CSMD1: variants seen among roughly 807,000 people sequenced by gnomAD.
CSMD1 encodes CUB and sushi domain-containing protein 1.
In CSMD1, 213 loss-of-function variants were observed where a neutral mutation model predicts 417.5. That is an observed-to-expected ratio of 0.51 (90% CI 0.46 to 0.57). The LOEUF is 0.57. Ranked by LOEUF, CSMD1 falls within the 20% of genes least tolerant of loss-of-function variation. The pLI is 0.00. For missense variants in CSMD1, 6,923 were observed against 4,529.7 expected (o/e 1.53, Z -15.17); for synonymous variants, 2,862 against 1,736.8 (o/e 1.65, Z -16.11).
intron 5 of CSMD1, among the ~76,000 whole-genome samples, chr8:3,949,375 A>C (rs1247475870): frequency 2.6e-5 from 4 of 152,194 alleles, no homozygotes; most frequent in Non-Finnish European, 5.9e-5. Flanking sequence ...CAGTCCCTGG[A>C]AACAACCACT....
At chr8:4,893,075 C>T (rs1026796825) in intron 1 of CSMD1, among the ~76,000 whole-genome samples, 6 of 152,108 alleles carry the variant, frequency 3.9e-5, no homozygotes, top group Admixed American at 2.0e-4. Flanking sequence ...CGATTATCCC[C>T]TCCAGGGCTC....
chr8:4,098,650 G>A (rs1031181078), intron 3 of CSMD1, among the ~76,000 whole-genome samples: 7 of 152,106 alleles, frequency 4.6e-5, no homozygotes, highest in African/African-American at 1.7e-4. Flanking sequence ...CGTATTGGTG[G>A]TTTTTAATTC....
intron 3 of CSMD1, among the ~76,000 whole-genome samples, chr8:4,198,304 G>A (rs1045142771): frequency 6.6e-5 from 10 of 152,328 alleles, no homozygotes; most frequent in South Asian, 2.1e-4. Context: ...GTGGCAGCAG[G>A]GGCTGGCAAG....
chr8:4,294,687 G>C (rs182006762), intron 3 of CSMD1, among the ~76,000 whole-genome samples: 34 of 152,114 alleles, frequency 2.2e-4, no homozygotes, highest in Admixed American at 3.9e-4. Flanking sequence ...AATATTCTAA[G>C]ATGACCATCT....
intron 49 of CSMD1, among the ~76,000 whole-genome samples, chr8:3,068,631 G>A (rs1585268567): frequency 6.6e-6 from 1 of 152,162 alleles, no homozygotes; most frequent in African/African-American, 2.4e-5. Context: ...GAGGCCTTAG[G>A]AATCTTTCAA....
At chr8:4,963,913 C>T (rs900046050) in intron 1 of CSMD1, among the ~76,000 whole-genome samples, 15 of 152,144 alleles carry the variant, frequency 9.9e-5, no homozygotes, top group African/African-American at 3.6e-4. Flanking sequence ...ATTTTATACA[C>T]CTCACTTACT....
chr8:4,272,704 A>ATTTTCATTCTGTAATTCTTGACTGTACAT, intron 3 of CSMD1, among the ~76,000 whole-genome samples: 1 of 152,088 alleles, frequency 6.6e-6, no homozygotes, highest in African/African-American at 2.4e-5. Flanking sequence ...AAGACTGTAC[A>ATTTTCATTCTGTAATTCTTGACTGTACAT]TTTTCATTCT....
intron 10 of CSMD1, among the ~76,000 whole-genome samples, chr8:3,505,011 C>G (rs534965961): frequency 7.9e-5 from 6 of 75,484 alleles, no homozygotes; most frequent in African/African-American, 4.1e-4. Flanking sequence ...GATGGAGAAA[C>G]AGTTAAAAAA....
chr8:4,734,455 G>A (rs946711964), intron 1 of CSMD1, among the ~76,000 whole-genome samples: 2 of 152,016 alleles, frequency 1.3e-5, no homozygotes, highest in Admixed American at 6.6e-5. Context: ...GGAATTCTGT[G>A]ACTAATAACT....
intron 3 of CSMD1, among the ~76,000 whole-genome samples, chr8:4,186,155 A>C (rs1798663743): frequency 6.6e-6 from 1 of 152,214 alleles, no homozygotes; most frequent in Non-Finnish European, 1.5e-5. Flanking sequence ...CCACTGGAGC[A>C]TATGAGAAGC....
intron 5 of CSMD1, among the ~76,000 whole-genome samples, chr8:3,892,513 T>A (rs954220638): frequency 1.3e-4 from 19 of 144,924 alleles, no homozygotes; most frequent in Non-Finnish European, 1.0e-4. Context: ...CATCCAATCC[T>A]ATGTTAGAGG....
chr8:4,978,635 A>G (rs529893761), intron 1 of CSMD1, among the ~76,000 whole-genome samples: 1 of 152,278 alleles, frequency 6.6e-6, no homozygotes, highest in African/African-American at 2.4e-5. Flanking sequence ...GAACAAAAGT[A>G]AGCAGTTAGA....
chr8:4,410,712 GAAGT>G (rs1357436557), intron 3 of CSMD1, among the ~76,000 whole-genome samples: 2 of 152,162 alleles, frequency 1.3e-5, no homozygotes, highest in African/African-American at 2.4e-5. Flanking sequence ...TCTTGGGAGA[GAAGT>G]ATGTACAGAA....
intron 15 of CSMD1, among the ~76,000 whole-genome samples, chr8:3,403,117 G>T (rs1209586982): frequency 6.6e-6 from 1 of 152,114 alleles, no homozygotes; most frequent in Non-Finnish European, 1.5e-5. Context: ...ATATTACAGG[G>T]CATGAGACCT....
intron 1 of CSMD1, among the ~76,000 whole-genome samples, chr8:4,947,785 A>C (rs2117267892): frequency 6.6e-6 from 1 of 152,228 alleles, no homozygotes; most frequent in South Asian, 2.1e-4. Flanking sequence ...GCATTTTTTC[A>C]AACAAAAATA....
Position 3,866,539 on chromosome 8 carries a change from G to C in CSMD1, c.819-112497C>G, listed in dbSNP as rs551453618. On this transcript the variant is annotated intron_variant, in intron 5 of 69. Coordinates refer to ENST00000635120, the MANE Select transcript of CSMD1 (RefSeq NM_033225.6). ...ATCATGATCTAATGTGTACGTTTTG[G>C]TCTTTAAATGACCTTTTTAGTTCTG... Among the ~76,000 whole-genome samples the C allele has an allele frequency of 4.6e-5, 7 of 152,222 alleles. No homozygotes were observed. The East Asian group carries it at 1.2e-3, about 25-fold the overall frequency.
intron 3 of CSMD1, among the ~76,000 whole-genome samples, chr8:4,406,123 C>G (rs746142830): frequency 3.3e-5 from 5 of 152,168 alleles, no homozygotes; most frequent in Non-Finnish European, 7.3e-5. Flanking sequence ...AACCAAACAG[C>G]TGTCAGATGG....
chr8:4,111,800 A>G (rs1243819135), intron 3 of CSMD1, among the ~76,000 whole-genome samples: 1 of 152,162 alleles, frequency 6.6e-6, no homozygotes, highest in Non-Finnish European at 1.5e-5. Flanking sequence ...GCATCAGGAT[A>G]AATAGCTAAT....
Position 4,250,862 on chromosome 8 carries a change from C to T in CSMD1, c.415+169091G>A, listed in dbSNP as rs114285424. Among the ~76,000 whole-genome samples the T allele has an allele frequency of 4.1e-3, 619 of 152,296 alleles. 4 individuals carry two copies. Among genetic ancestry groups the T allele is most frequent in the African/African-American group, 0.014 (589 of 41,572 alleles). ...TATGTCAACACCTTGTCACTATTTA[C>T]AGGGTATTCCTACTACCCTGATGAA... On this transcript the variant is annotated intron_variant, in intron 3 of 69. Transcript: ENST00000635120.
Sources: allele counts gnomAD v4.1 joint callset (sites outside exome capture counted in the v4.1 genomes callset), GRCh38; gene constraint gnomAD v4.1.1; transcripts MANE v1.5; gene names NCBI Gene and HGNC (gene_info 2026-07-23, HGNC 2026-07-21).